The following HAPLN3 variants were observed in gnomAD, a reference collection of about 807,000 sequenced individuals.
The protein encoded by HAPLN3 is hyaluronan and proteoglycan link protein 3, also known as extracellular link domain containing, 1.
In HAPLN3, 28 loss-of-function variants were observed where a neutral mutation model predicts 28.1. The observed-to-expected ratio is 1.00, with a 90% CI of 0.74 to 1.37. The LOEUF (loss-of-function observed/expected upper bound fraction) is 1.37. Ranked by LOEUF, HAPLN3 falls within the 40% of genes most tolerant of loss-of-function variation. The probability of loss-of-function intolerance (pLI) is 0.00; values close to 1 mark genes in which losing one functional copy is unlikely to be tolerated. For missense variants in HAPLN3, 513 were observed against 504.6 expected (o/e 1.02, Z -0.16); for synonymous variants, 211 against 213.1 (o/e 0.99, Z 0.09).
chr15:88,881,852 C>A lies in HAPLN3; in HGVS notation c.125-127G>T. 1 of 895,694 alleles carries A rather than the reference C, an allele frequency of 1.1e-6. No homozygotes were observed. Among genetic ancestry groups the A allele is most frequent in the South Asian group, 1.7e-5 (1 of 58,524 alleles). 55.5% of individuals were successfully genotyped at this position (895,694 alleles called of 1,614,324 possible). On this transcript the variant is annotated intron_variant, in intron 2 of 4. Transcript: ENST00000359595. This position sits in a 1 kb window ranked among gnomAD's most constrained non-coding sequence, Gnocchi z 6.0. ...TGCAAAAATGGCCACCATGCTCCAC[C>A]CCTCCCTGTATCCACATGCTCTGCA...
In HAPLN3 at chr15:88,880,376, C is replaced by T. The variant is rs1031546184; in HGVS notation, c.493+981G>A. On this transcript the variant is annotated intron_variant, in intron 3 of 4. Coordinates refer to ENST00000359595, the MANE Select transcript of HAPLN3 (RefSeq NM_178232.4). The surrounding 1 kb of genome is among the most constrained non-coding windows in gnomAD (Gnocchi z 6.0). ...GCCATGTGGACACTGGTGGCAAAGACAGAGAACGCATTTTAAGGACATACA... is the reference window on the plus strand; with the variant it reads ...GCCATGTGGACACTGGTGGCAAAGATAGAGAACGCATTTTAAGGACATACA... The T allele has an allele frequency of 6.1e-5, 69 of 1,128,122 alleles. No homozygotes were observed. In the Admixed American group the frequency reaches 7.4e-4, roughly 12 times the overall value. 69.9% of individuals were successfully genotyped at this position (1,128,122 alleles called of 1,614,324 possible).
At chr15:88,894,334 C>T (rs76997062) in intron 1 of HAPLN3, among the ~76,000 whole-genome samples, 5,892 of 152,154 alleles carry the variant, frequency 0.039, 390 homozygotes, top group African/African-American at 0.13. Flanking sequence ...CCTAGGGACC[C>T]CTCCACCCAA....
In HAPLN3 at chr15:88,877,744, G is replaced by C. The variant is rs1189600065; in HGVS notation, c.*226C>G. ...GAACCCTCCAGAAGCCCACAAAACCGCAAATGGCCCAGGGGAGCAAGCATG... is the reference window on the plus strand; with the variant it reads ...GAACCCTCCAGAAGCCCACAAAACCCCAAATGGCCCAGGGGAGCAAGCATG... On this transcript the variant is annotated 3_prime_UTR_variant, in exon 5 of 5. Coordinates refer to ENST00000359595, the MANE Select transcript of HAPLN3 (RefSeq NM_178232.4). This position sits in a 1 kb window ranked among gnomAD's most constrained non-coding sequence, Gnocchi z 5.1. 24 of 531,542 alleles carry C rather than the reference G, an allele frequency of 4.5e-5. No individual in the cohort carries two copies. Among genetic ancestry groups the C allele is most frequent in the Non-Finnish European group, 5.2e-5 (16 of 305,522 alleles). 32.9% of individuals were successfully genotyped at this position (531,542 alleles called of 1,614,324 possible).
At chr15:88,893,236 G>A in intron 1 of HAPLN3, 1 of 615,640 alleles carries the variant, frequency 1.6e-6, no homozygotes, top group Non-Finnish European at 2.9e-6. Flanking sequence ...GGCCAACACA[G>A]TGAAACCCCC....
chr15:88,893,959 GCGGT>G (rs1898088850), intron 1 of HAPLN3, among the ~76,000 whole-genome samples: 1 of 148,940 alleles, frequency 6.7e-6, no homozygotes. Context: ...GGTGGGGGGG[GCGGT>G]CACGACAATA....
intron 1 of HAPLN3, among the ~76,000 whole-genome samples, chr15:88,890,523 A>G (rs747485088): frequency 1.7e-4 from 26 of 152,216 alleles, no homozygotes; most frequent in Non-Finnish European, 3.2e-4. Flanking sequence ...TTTCTCGCCA[A>G]TGCATTCTAG....
At position 88,877,811 on chromosome 15, in the gene HAPLN3, G is replaced by T; in HGVS notation, c.*159C>A. On this transcript the variant is annotated 3_prime_UTR_variant, in exon 5 of 5. Transcript: ENST00000359595. This position sits in a 1 kb window ranked among gnomAD's most constrained non-coding sequence, Gnocchi z 5.1. ...ATCCAGGAGCAAAGGGAGGCATTGG[G>T]TTCTGTTTGCTTTACAAAAAATAGT... is the stretch of plus-strand genomic sequence containing the variant. 1 of 726,470 alleles carries T rather than the reference G, an allele frequency of 1.4e-6. No homozygotes were observed. Among genetic ancestry groups the T allele is most frequent in the Non-Finnish European group, 2.2e-6 (1 of 457,320 alleles). 45.0% of individuals were successfully genotyped at this position (726,470 alleles called of 1,614,324 possible).
At position 88,878,141 on chromosome 15, in the gene HAPLN3, C is replaced by T; in HGVS notation, c.912G>A (p.Lys304=). The T allele has an allele frequency of 6.2e-7, 1 of 1,614,188 alleles. No individual in the cohort carries two copies. The highest frequency in any genetic ancestry group is 1.1e-5 in the South Asian group (1 of 91,088). The change falls in exon 5 of 5, where the codon AAG becomes AAA. Residue 304 remains lysine (K), a synonymous_variant. Coordinates refer to ENST00000359595, the MANE Select transcript of HAPLN3 (RefSeq NM_178232.4). ...AKVGQLFAAW[K]FHGLDRCDAG... is the part of the protein sequence containing the mutation. ...CGTCGCAGCGGTCCAGGCCATGGAA[C>T]TTCCAGGCGGCAAAGAGCTGTCCCA...
In HAPLN3 at chr15:88,881,742, G is replaced by T; in HGVS notation, c.125-17C>A. ...TAAGGAGGTCTTGGGGGAGAGACAGGGTGCAGATGAGACCTGCTGAAGCAC... is the reference window on the plus strand; with the variant it reads ...TAAGGAGGTCTTGGGGGAGAGACAGTGTGCAGATGAGACCTGCTGAAGCAC... On this transcript the variant is annotated splice_polypyrimidine_tract_variant and intron_variant, in intron 2 of 4. Coordinates refer to ENST00000359595, the MANE Select transcript of HAPLN3 (RefSeq NM_178232.4). This position sits in a 1 kb window ranked among gnomAD's most constrained non-coding sequence, Gnocchi z 6.0. 6.3e-7 allele frequency: 1 copy of T among 1,594,974 alleles called. No individual in the cohort carries two copies. Among genetic ancestry groups the T allele is most frequent in the Non-Finnish European group, 8.6e-7 (1 of 1,168,584 alleles).
At chr15:88,885,643 G>C (rs1215748480) in intron 2 of HAPLN3, among the ~76,000 whole-genome samples, 1 of 152,098 alleles carries the variant, frequency 6.6e-6, no homozygotes, top group Non-Finnish European at 1.5e-5. Flanking sequence ...TTTTAGTAGA[G>C]ACAGGATTTC....
intron 1 of HAPLN3, among the ~76,000 whole-genome samples, chr15:88,887,683 G>C (rs1897902140): frequency 6.6e-6 from 1 of 152,246 alleles, no homozygotes; most frequent in Admixed American, 6.5e-5. Flanking sequence ...TTATGGGCAG[G>C]CTGGGCATGG....
chr15:88,883,442 T>C (rs1897761872), intron 2 of HAPLN3, among the ~76,000 whole-genome samples: 1 of 152,160 alleles, frequency 6.6e-6, no homozygotes, highest in African/African-American at 2.4e-5. Context: ...TTAATTACAG[T>C]CCCTACAGAG....
At position 88,879,096 on chromosome 15, in the gene HAPLN3, G is replaced by A; in HGVS notation, c.667C>T (p.Gln223Ter). 3 of 1,611,790 alleles carry A rather than the reference G, an allele frequency of 1.9e-6. No homozygotes were observed. The highest frequency in any genetic ancestry group is 2.5e-6 in the Non-Finnish European group (3 of 1,179,136). Residue 223 changes from glutamine (Q) to a stop codon, truncating the protein, a stop_gained, in exon 4 of 5, where the codon CAG (glutamine) becomes TAG (stop). Transcript: ENST00000359595. LOFTEE classifies it high-confidence loss of function. The surrounding 1 kb of genome is among the most constrained non-coding windows in gnomAD (Gnocchi z 5.0). ...TGCCGGGGCAACATGATGGGGTACT[G>A]CACCGTGGCATCCTGCAGCCAGCCC... ...NAGWLQDATV[Q>*]YPIMLPRQPC...
rs79802505 is a variant in HAPLN3 at position 88,887,149 on chromosome 15, A to G, written c.124+26T>C. 1.9e-6 allele frequency: 3 copies of G among 1,613,756 alleles called. No homozygotes were observed. The East Asian group carries it at 6.7e-5, about 36-fold the overall frequency. ...AGGTCTAGGTCACCCAGGGGAGCAA[A>G]GAGCCGGGTGCAGGAGGTCGCCTAC... On this transcript the variant is annotated intron_variant, in intron 2 of 4. Transcript: ENST00000359595.
At chr15:88,886,014 A>G (rs536935951) in intron 2 of HAPLN3, among the ~76,000 whole-genome samples, 1 of 152,356 alleles carries the variant, frequency 6.6e-6, no homozygotes, top group East Asian at 1.9e-4. Flanking sequence ...AGACAGCATC[A>G]ATTCAGCCTG....
chr15:88,892,886 T>A, intron 1 of HAPLN3: 1 of 1,406,118 alleles, frequency 7.1e-7, no homozygotes, highest in Non-Finnish European at 9.6e-7. Context: ...TCTGCTCCCC[T>A]ACCATGGCTA....
intron 1 of HAPLN3, among the ~76,000 whole-genome samples, chr15:88,894,927 C>G (rs558738923): frequency 6.6e-6 from 1 of 152,208 alleles, no homozygotes; most frequent in South Asian, 2.1e-4. Flanking sequence ...CCATAGGCAT[C>G]AGTTGCCTTT....
At chr15:88,891,233 C>A (rs114653563) in intron 1 of HAPLN3, among the ~76,000 whole-genome samples, 57 of 152,160 alleles carry the variant, frequency 3.7e-4, no homozygotes, top group African/African-American at 1.3e-3. Context: ...AATACACACA[C>A]CACAGCATTA....
At position 88,878,318 on chromosome 15, in the gene HAPLN3, T is replaced by A. The variant is rs991641313; in HGVS notation, c.797-62A>T. ...GGGGCAGCCAGAGAGCACAGCGGGG[T>A]CTGCAGAGATGCCAGCCCCAAAGAC... On this transcript the variant is annotated intron_variant, in intron 4 of 4. Transcript: ENST00000359595. 9 of 1,470,304 alleles carry A rather than the reference T, an allele frequency of 6.1e-6. No homozygotes were observed. The African/African-American group carries it at 9.8e-5, about 16-fold the overall frequency. 91.1% of individuals were successfully genotyped at this position (1,470,304 alleles called of 1,614,324 possible). A position where few individuals can be genotyped will look rare whatever the true frequency, so the allele number is the denominator to read the frequency against.
Sources: allele counts gnomAD v4.1 joint callset (sites outside exome capture counted in the v4.1 genomes callset), GRCh38; gene constraint gnomAD v4.1.1; non-coding constraint Gnocchi (gnomAD v3.1); transcripts MANE v1.5; gene names NCBI Gene and HGNC (gene_info 2026-07-23, HGNC 2026-07-21).